RINT1: variants seen among roughly 807,000 people sequenced by gnomAD.
The protein encoded by RINT1 is RAD50 interactor 1, also known as RAD50-interacting protein 1.
Under a neutral mutation model 97.7 loss-of-function variants are expected in RINT1, and 75 were observed. That is an observed-to-expected ratio of 0.77 (90% CI 0.64 to 0.93). The LOEUF (loss-of-function observed/expected upper bound fraction) is 0.93. Among genes scored for constraint, RINT1 ranks in the 40% least tolerant of loss-of-function variants. The probability of loss-of-function intolerance (pLI) is 0.00; values close to 1 mark genes in which losing one functional copy is unlikely to be tolerated. For synonymous variants in RINT1, 303 were observed against 326.3 expected, an observed-to-expected ratio of 0.93 and a Z score of 0.77; for missense variants, 892 against 925.2, an observed-to-expected ratio of 0.96 and a Z score of 0.47.
intron 11 of RINT1, among the ~76,000 whole-genome samples, chr7:105,557,844 A>G (rs1192978011): frequency 6.6e-6 from 1 of 152,226 alleles, no homozygotes; most frequent in Non-Finnish European, 1.5e-5. Flanking sequence ...AAACACAATC[A>G]TCATAGTTTA....
chr7:105,541,087 C>A (rs1428621187), intron 3 of RINT1, among the ~76,000 whole-genome samples: 3 of 151,038 alleles, frequency 2.0e-5, no homozygotes, highest in Non-Finnish European at 4.4e-5. Flanking sequence ...ATCCACCCAC[C>A]TTGGCCTCCC....
At chr7:105,541,422 C>T (rs1373736175) in intron 3 of RINT1, among the ~76,000 whole-genome samples, 1 of 151,780 alleles carries the variant, frequency 6.6e-6, no homozygotes, top group Non-Finnish European at 1.5e-5. Flanking sequence ...CAGGTGTGAG[C>T]CACCGTGCCC....
intron 4 of RINT1, among the ~76,000 whole-genome samples, chr7:105,545,532 T>A (rs148017198): frequency 0.29 from 32,735 of 112,780 alleles, 3,804 homozygotes; most frequent in Non-Finnish European, 0.33. Flanking sequence ...ATATATATAT[T>A]TTTTTTTTTT....
intron 2 of RINT1, among the ~76,000 whole-genome samples, chr7:105,534,796 A>G (rs989589397): frequency 3.3e-5 from 5 of 152,228 alleles, no homozygotes; most frequent in African/African-American, 9.6e-5. Context: ...GGAAAAGGTC[A>G]GTACCACCTC....
intron 4 of RINT1, among the ~76,000 whole-genome samples, chr7:105,543,636 A>C (rs1426463448): frequency 6.6e-6 from 1 of 152,154 alleles, no homozygotes; most frequent in Non-Finnish European, 1.5e-5. Flanking sequence ...GGAAAACCTG[A>C]GGGAGAAAAG....
intron 2 of RINT1, 69 bp from the exon 3 acceptor site, chr7:105,536,496 T>C (rs1790241030): frequency 1.7e-6 from 2 of 1,166,262 alleles, no homozygotes; most frequent in South Asian, 1.9e-5. Flanking sequence ...ACTGCTTTTA[T>C]ATGTTTTATA....
In RINT1 at chr7:105,532,281, C is replaced by A. The variant is rs1790063503; in HGVS notation, c.-35C>A. The stretch of plus-strand genomic sequence containing the variant: ...AGCCAGACTCCACAGGCCACGCTGG[C>A]TGCGAATGGAGCCGAGGACTCGCGC... On this transcript the variant is annotated 5_prime_UTR_variant, in exon 1 of 15. It adds an upstream start codon to the 5' untranslated region. Coordinates refer to ENST00000257700, the MANE Select transcript of RINT1 (RefSeq NM_021930.6). 2.6e-6 allele frequency: 4 copies of A among 1,559,244 alleles called. No homozygotes were observed. Among genetic ancestry groups the A allele is most frequent in the Non-Finnish European group, 3.5e-6 (4 of 1,156,282 alleles).
chr7:105,551,864 G>A (rs1186992644), intron 10 of RINT1, among the ~76,000 whole-genome samples, 157 bp downstream of exon 10: 4 of 152,100 alleles, frequency 2.6e-5, no homozygotes, highest in Admixed American at 6.6e-5. Flanking sequence ...CCAGGAGTTC[G>A]AGAACAGCCT....
At position 105,550,374 on chromosome 7, in the gene RINT1, G is replaced by T; in HGVS notation, c.1221G>T (p.Leu407Phe). 1 of 1,614,058 alleles carries T rather than the reference G, an allele frequency of 6.2e-7. No homozygotes were observed. Among genetic ancestry groups the T allele is most frequent in the Non-Finnish European group, 8.5e-7 (1 of 1,179,996 alleles). ...LFCHLVDEVL[L>F]FERELHSVHG... ...GTCATTTGGTGGATGAAGTACTCTT[G>T]TTTGAAAGGGAGCTACACAGTGTTC... The change falls in exon 9 of 15, where the codon TTG becomes TTT. Residue 407 changes from leucine (L) to phenylalanine (F), a missense_variant. Leu to Phe is a conservative substitution (Grantham distance 22). Transcript: ENST00000257700.
Position 105,550,372 on chromosome 7 carries a change from T to G in RINT1, c.1219T>G (p.Leu407Val), listed in dbSNP as rs974718904. ...LFCHLVDEVLLFERELHSVHG... is the reference protein window; with the variant it reads ...LFCHLVDEVLVFERELHSVHG... ...CTGTCATTTGGTGGATGAAGTACTC[T>G]TGTTTGAAAGGGAGCTACACAGTGT... The change falls in exon 9 of 15, where the codon TTG (leucine) becomes GTG (valine). Residue 407 changes from leucine to valine, a missense_variant. By Grantham distance (32) the Leu-to-Val change is conservative. Coordinates refer to ENST00000257700, the MANE Select transcript of RINT1 (RefSeq NM_021930.6). 1 of 1,614,160 alleles carries G rather than the reference T, an allele frequency of 6.2e-7. No individual in the cohort carries two copies. Among genetic ancestry groups the G allele is most frequent in the Admixed American group, 1.7e-5 (1 of 60,018 alleles).
intron 11 of RINT1, among the ~76,000 whole-genome samples, chr7:105,559,061 G>T (rs1447923530): frequency 6.6e-6 from 1 of 152,144 alleles, no homozygotes; most frequent in East Asian, 1.9e-4. Context: ...AGAGTTGATT[G>T]TTCAAATTGT....
chr7:105,536,579 A>G lies in RINT1; in HGVS notation c.103A>G (p.Thr35Ala), dbSNP rs1298511220. The change falls in exon 3 of 15, where the codon ACA becomes GCA. Residue 35 changes from threonine (T) to alanine (A), a missense_variant. Coordinates refer to ENST00000257700, the MANE Select transcript of RINT1 (RefSeq NM_021930.6). Reference protein sequence around the residue: ...NLEEKSDINVTVLIGSKQVSE... With the variant: ...NLEEKSDINVAVLIGSKQVSE... ...TTTTGTTGTAGGTGACATAAATGTT[A>G]CAGTTCTTATTGGAAGTAAACAAGT... 3 of 1,596,736 alleles carry G rather than the reference A, an allele frequency of 1.9e-6. No homozygotes were observed. Among genetic ancestry groups the G allele is most frequent in the African/African-American group, 2.7e-5 (2 of 74,188 alleles).
At chr7:105,561,518 C>T (rs2133452171) in intron 11 of RINT1, among the ~76,000 whole-genome samples, 1 of 152,160 alleles carries the variant, frequency 6.6e-6, no homozygotes, top group South Asian at 2.1e-4. Flanking sequence ...CAGAGTGAGA[C>T]TCTTGTCTCA....
chr7:105,551,272 A>G (rs189169540), intron 9 of RINT1, among the ~76,000 whole-genome samples: 93 of 152,214 alleles, frequency 6.1e-4, no homozygotes, highest in African/African-American at 2.1e-3. Flanking sequence ...GACTCAAGCA[A>G]TCCACCCACC....
At chr7:105,538,633 C>T (rs576712667) in intron 3 of RINT1, among the ~76,000 whole-genome samples, 12 of 152,346 alleles carry the variant, frequency 7.9e-5, no homozygotes, top group Admixed American at 2.6e-4. Flanking sequence ...CTCCCCTCAA[C>T]TGTTCTTTCA....
intron 14 of RINT1, among the ~76,000 whole-genome samples, 195 bp downstream of exon 14, chr7:105,565,843 T>G (rs1791705355): frequency 6.6e-6 from 1 of 152,172 alleles, no homozygotes; most frequent in South Asian, 2.1e-4. Context: ...CCTCAAAAAG[T>G]TTCAGAACTA....
chr7:105,556,129 C>T (rs912714688), intron 11 of RINT1, among the ~76,000 whole-genome samples: 3 of 150,078 alleles, frequency 2.0e-5, no homozygotes, highest in Admixed American at 6.7e-5. Flanking sequence ...TGCAATGGTG[C>T]GATCTCGGCT....
chr7:105,545,278 C>T (rs913418429), intron 4 of RINT1, among the ~76,000 whole-genome samples: 1 of 151,078 alleles, frequency 6.6e-6, no homozygotes, highest in African/African-American at 2.4e-5. Flanking sequence ...TGGCAAAACC[C>T]CATCTCTGTT....
intron 2 of RINT1, among the ~76,000 whole-genome samples, chr7:105,534,702 C>T (rs1214519368): frequency 1.3e-5 from 2 of 151,948 alleles, no homozygotes; most frequent in East Asian, 1.9e-4. Context: ...GCCTCTCCTA[C>T]CCTCTAAATT....
Sources: gnomAD v4.1 joint callset for allele counts (sites outside exome capture counted in the v4.1 genomes callset) on GRCh38, gnomAD v4.1.1 for gene constraint, MANE v1.5 for transcripts, NCBI Gene and HGNC (gene_info 2026-07-23, HGNC 2026-07-21) for gene names.